Variants in SLIT3 observed in about 807,000 individuals in gnomAD.
The protein encoded by SLIT3 is slit guidance ligand 3, also known as slit homolog 3 protein.
A neutral mutation model predicts 184.0 loss-of-function variants in SLIT3; 68 were observed. The observed-to-expected ratio is 0.37, with a 90% confidence interval of 0.30 to 0.45. The LOEUF is 0.45. Ranked by LOEUF, SLIT3 falls within the 20% of genes least tolerant of loss-of-function variation. SLIT3 has a pLI of 1.00. For synonymous variants in SLIT3, 831 were observed against 828.6 expected, an observed-to-expected ratio of 1.00 and a Z score of -0.05; for missense variants, 1,707 against 2,026.0, an observed-to-expected ratio of 0.84 and a Z score of 3.02.
intron 25 of SLIT3, among the ~76,000 whole-genome samples, chr5:168,709,385 C>T (rs879651479): frequency 2.6e-5 from 4 of 152,256 alleles, no homozygotes; most frequent in East Asian, 1.9e-4. Flanking sequence ...CATGAGCCAC[C>T]GTGCCCGGAC....
chr5:168,844,480 G>A (rs1021307158), intron 6 of SLIT3, 104 bp downstream of exon 6: 125 of 1,036,018 alleles, frequency 1.2e-4, no homozygotes, highest in Non-Finnish European at 1.4e-4. Context: ...CATTCACACA[G>A]ACCCTCCTGC....
intron 4 of SLIT3, among the ~76,000 whole-genome samples, chr5:168,907,979 T>TATATATAGAGAGAGAGAGAGAGAG (rs376418381): frequency 2.0e-5 from 1 of 50,088 alleles, no homozygotes; most frequent in African/African-American, 1.2e-4. Context: ...TATATATATA[T>TATATATAGAGAGAGAGAGAGAGAG]AGAGAGAGAG....
intron 4 of SLIT3, among the ~76,000 whole-genome samples, chr5:169,138,749 G>A (rs1416489667): frequency 2.0e-5 from 3 of 152,148 alleles, no homozygotes; most frequent in Non-Finnish European, 4.4e-5. Context: ...ATGCCCCCAC[G>A]CATGGCACAC....
intron 1 of SLIT3, among the ~76,000 whole-genome samples, chr5:169,261,802 AG>A: frequency 6.6e-6 from 1 of 152,312 alleles, no homozygotes; most frequent in South Asian, 2.1e-4. Context: ...AACACAAAAA[AG>A]GTGGTCGGAT....
intron 5 of SLIT3, among the ~76,000 whole-genome samples, chr5:168,879,885 A>T (rs985922527): frequency 1.3e-5 from 2 of 152,232 alleles, no homozygotes; most frequent in Non-Finnish European, 2.9e-5. Flanking sequence ...ACAGATTTAT[A>T]TTGATATATC....
chr5:168,996,562 C>T (rs748139757), intron 4 of SLIT3, among the ~76,000 whole-genome samples: 8 of 152,200 alleles, frequency 5.3e-5, no homozygotes, highest in Non-Finnish European at 7.3e-5. Context: ...TAACGTCAAG[C>T]GCTTCGTGAT....
At chr5:168,891,640 A>G (rs1268353922) in intron 4 of SLIT3, among the ~76,000 whole-genome samples, 4 of 152,212 alleles carry the variant, frequency 2.6e-5, no homozygotes, top group African/African-American at 7.2e-5. Flanking sequence ...CCTGAGGTCC[A>G]AGCACTATGG....
intron 4 of SLIT3, among the ~76,000 whole-genome samples, chr5:169,074,004 A>ACC (rs1445799037): frequency 6.6e-6 from 1 of 152,218 alleles, no homozygotes; most frequent in Non-Finnish European, 1.5e-5. Flanking sequence ...ACAGAATAGT[A>ACC]CCGCAAGGGA....
chr5:169,256,353 T>C (rs1166157827), intron 1 of SLIT3, among the ~76,000 whole-genome samples: 6 of 152,216 alleles, frequency 3.9e-5, no homozygotes, highest in African/African-American at 1.4e-4. Context: ...CAGCATTGTC[T>C]TACAACTGCC....
chr5:168,897,647 T>TGCATACACACACACACACAC (rs3223457), intron 4 of SLIT3, among the ~76,000 whole-genome samples: 6 of 141,414 alleles, frequency 4.2e-5, no homozygotes, highest in Non-Finnish European at 7.7e-5. Context: ...CAGGTGCACG[T>TGCATACACACACACACACAC]ACACACACAC....
At chr5:169,082,175 T>G (rs1290808760) in intron 4 of SLIT3, among the ~76,000 whole-genome samples, 1 of 152,168 alleles carries the variant, frequency 6.6e-6, no homozygotes, top group Admixed American at 6.5e-5. Context: ...AATACAATCC[T>G]CGAGTAGAAG....
chr5:168,939,032 T>A (rs988779574), intron 4 of SLIT3, among the ~76,000 whole-genome samples: 8 of 152,096 alleles, frequency 5.3e-5, no homozygotes, highest in African/African-American at 1.9e-4. Context: ...GACAATGATA[T>A]GGAAAAATCT....
chr5:169,200,192 T>G (rs1726889345), intron 3 of SLIT3, among the ~76,000 whole-genome samples: 1 of 152,220 alleles, frequency 6.6e-6, no homozygotes, highest in African/African-American at 2.4e-5. Flanking sequence ...CACTAGGGCC[T>G]GGGCATGGCC....
chr5:169,286,717 C>T (rs1022021771), intron 1 of SLIT3, among the ~76,000 whole-genome samples: 7 of 152,218 alleles, frequency 4.6e-5, no homozygotes, highest in Admixed American at 4.6e-4. Flanking sequence ...TCCCTCGGCC[C>T]TCCTCTCGAC....
In SLIT3 at chr5:169,223,053, G is replaced by T. The variant is rs79336314; in HGVS notation, c.341+21652C>A. 9.2e-5 allele frequency among the ~76,000 whole-genome samples: 14 copies of T among 152,234 alleles called. No individual in the cohort carries two copies. The East Asian group carries it at 2.7e-3, about 29-fold the overall frequency. Reference sequence around the variant, plus strand: ...GTGACCTAATAAATTTAGCTGCATGGGTTATTAAAGGCAACTGTAAATTCA... The same window carrying T: ...GTGACCTAATAAATTTAGCTGCATGTGTTATTAAAGGCAACTGTAAATTCA... On this transcript the variant is annotated intron_variant, in intron 3 of 35. Transcript: ENST00000519560.
intron 4 of SLIT3, among the ~76,000 whole-genome samples, chr5:169,023,039 A>G (rs1756662963): frequency 6.6e-6 from 1 of 152,154 alleles, no homozygotes; most frequent in Admixed American, 6.5e-5. Context: ...TTCTGTGTAT[A>G]TGATGTTGCC....
chr5:168,708,923 G>A (rs1038833231), intron 25 of SLIT3, among the ~76,000 whole-genome samples: 1 of 152,132 alleles, frequency 6.6e-6, no homozygotes, highest in Non-Finnish European at 1.5e-5. Context: ...TTGAGAGCTG[G>A]TACCAGGGGC....
At chr5:169,257,719 A>AT (rs1446731509) in intron 1 of SLIT3, among the ~76,000 whole-genome samples, 2 of 150,972 alleles carry the variant, frequency 1.3e-5, no homozygotes, top group Non-Finnish European at 3.0e-5. Context: ...CGCCTGGCTA[A>AT]TTTTTTTGCA....
chr5:168,997,136 G>A (rs554029528), intron 4 of SLIT3, among the ~76,000 whole-genome samples: 43 of 152,128 alleles, frequency 2.8e-4, no homozygotes, highest in Middle Eastern at 3.4e-3. Context: ...GTGACGCATC[G>A]CGTGCCCCTT....
Sources: allele counts gnomAD v4.1 joint callset (sites outside exome capture counted in the v4.1 genomes callset), GRCh38; gene constraint gnomAD v4.1.1; transcripts MANE v1.5; gene names NCBI Gene and HGNC (gene_info 2026-07-23, HGNC 2026-07-21).